Variants in TRPC6 observed in about 807,000 individuals in gnomAD.
TRPC6 encodes transient receptor potential cation channel subfamily C member 6.
TRPC6 carries 55 observed loss-of-function variants against 90.7 expected under a neutral mutation model. That is an observed-to-expected ratio of 0.61 (90% CI 0.49 to 0.76). The LOEUF (loss-of-function observed/expected upper bound fraction) is 0.76, where lower values mean the gene tolerates loss of function less well. Ranked by LOEUF, TRPC6 falls within the 30% of genes least tolerant of loss-of-function variation. The pLI is 0.00. For synonymous variants in TRPC6, 393 were observed against 393.0 expected (o/e 1.00, Z 0.00); for missense variants, 989 against 1,122.7 (o/e 0.88, Z 1.70).
At chr11:101,557,136 A>T (rs959019964) in intron 1 of TRPC6, among the ~76,000 whole-genome samples, 2 of 152,028 alleles carry the variant, frequency 1.3e-5, no homozygotes, top group African/African-American at 4.8e-5. Context: ...TAGGCAGATC[A>T]TTGAGGCCAG....
At chr11:101,491,833 ATTCTTTTTTT>A in intron 2 of TRPC6, 95 bp from the exon 3 acceptor site, 3 of 778,586 alleles carry the variant, frequency 3.9e-6, no homozygotes, top group South Asian at 2.0e-5. Context: ...TAAGAGAAAC[ATTCTTTTTTT>A]TTTTTTTTTT....
intron 2 of TRPC6, among the ~76,000 whole-genome samples, chr11:101,493,242 T>C (rs1343601910): frequency 6.6e-6 from 1 of 152,174 alleles, no homozygotes; most frequent in East Asian, 1.9e-4. Flanking sequence ...ACACTAATGA[T>C]AGCTGATGAA....
chr11:101,536,526 T>A (rs574252694), intron 1 of TRPC6, among the ~76,000 whole-genome samples: 2 of 152,082 alleles, frequency 1.3e-5, no homozygotes, highest in African/African-American at 4.8e-5. Context: ...CAGGAAAATC[T>A]TCCTGGAGAC....
At chr11:101,460,360 C>T (rs1858977822) in intron 10 of TRPC6, among the ~76,000 whole-genome samples, 1 of 152,150 alleles carries the variant, frequency 6.6e-6, no homozygotes, top group Non-Finnish European at 1.5e-5. Context: ...ACTGGTATAA[C>T]TTAAATCATC....
rs757567055 is a variant in TRPC6, at chr11:101,471,212, CT to C, written c.2379del (p.Gly794ValfsTer8). The part of the protein sequence containing the change: ...WISELFQGHK[K>X]GFQEDAEMNK... ...TTCATCTCTGCATCTTCCTGGAAAC[CT>C]TTTTTATGGCCCTGGAACAGCTCAG... On this transcript the variant is annotated frameshift_variant, in exon 9 of 13. Coordinates refer to ENST00000344327, the MANE Select transcript of TRPC6 (RefSeq NM_004621.6). LOFTEE classifies it high-confidence loss of function. 6.2e-7 allele frequency: 1 copy of C among 1,613,816 alleles called. No individual in the cohort carries two copies. The highest frequency in any genetic ancestry group is 8.5e-7 in the Non-Finnish European group (1 of 1,179,794).
intron 1 of TRPC6, among the ~76,000 whole-genome samples, chr11:101,579,410 A>ATATC (rs2136902620): frequency 6.6e-6 from 1 of 152,288 alleles, no homozygotes; most frequent in Non-Finnish European, 1.5e-5. Context: ...TGCATGTCTT[A>ATATC]TATCTACTCA....
chr11:101,488,188 A>T (rs1859721494), intron 4 of TRPC6, among the ~76,000 whole-genome samples: 1 of 152,202 alleles, frequency 6.6e-6, no homozygotes, highest in Non-Finnish European at 1.5e-5. Context: ...AAACGTGAAG[A>T]ATAGGCTTGT....
chr11:101,576,102 T>C (rs574338170), intron 1 of TRPC6, among the ~76,000 whole-genome samples: 1 of 152,210 alleles, frequency 6.6e-6, no homozygotes, highest in Non-Finnish European at 1.5e-5. Flanking sequence ...ACCTACTGGC[T>C]GTGTAACTTA....
chr11:101,511,826 T>C (rs763652254), intron 1 of TRPC6, among the ~76,000 whole-genome samples: 7 of 151,926 alleles, frequency 4.6e-5, no homozygotes, highest in Non-Finnish European at 8.8e-5. Flanking sequence ...ACCCTGTCTC[T>C]ACTAAAAAAT....
At chr11:101,460,981 G>T (rs75495763) in intron 10 of TRPC6, among the ~76,000 whole-genome samples, 2,103 of 152,174 alleles carry the variant, frequency 0.014, 57 homozygotes, top group African/African-American at 0.046. Flanking sequence ...TAGCTGAAAT[G>T]TCACCCCTTT....
chr11:101,461,664 T>C (rs1225419636), intron 10 of TRPC6, among the ~76,000 whole-genome samples: 1 of 152,248 alleles, frequency 6.6e-6, no homozygotes, highest in African/African-American at 2.4e-5. Context: ...CCCCTTTATC[T>C]TTCTGTCTGT....
intron 1 of TRPC6, among the ~76,000 whole-genome samples, chr11:101,508,877 A>T (rs547906853): frequency 6.6e-6 from 1 of 152,128 alleles, no homozygotes; most frequent in Non-Finnish European, 1.5e-5. Flanking sequence ...TCATCCATTA[A>T]AATGGGAGAA....
At position 101,452,448 on chromosome 11, in the gene TRPC6, AG is replaced by A; in HGVS notation, c.*506del. On this transcript the variant is annotated 3_prime_UTR_variant, in exon 13 of 13. Transcript: ENST00000344327. ...CAATCATGTGCATTGAGGGATAAGT[AG>A]GGTAAATGGTGTTTAAACAGCATTC... is the stretch of plus-strand genomic sequence containing the variant. 1 of 159,092 alleles carries A rather than the reference AG, an allele frequency of 6.3e-6. No individual in the cohort carries two copies. Among genetic ancestry groups the A allele is most frequent in the Non-Finnish European group, 1.4e-5 (1 of 71,754 alleles). The allele number at this position is 159,092 out of a possible 1,614,324, so 9.9% of individuals were successfully genotyped here.
At position 101,473,573 on chromosome 11, in the gene TRPC6, TA is replaced by T; in HGVS notation, c.1944del (p.Phe648LeufsTer2). 1 of 1,613,730 alleles carries T rather than the reference TA, an allele frequency of 6.2e-7. No individual in the cohort carries two copies. Among genetic ancestry groups the T allele is most frequent in the South Asian group, 1.1e-5 (1 of 91,070 alleles). On this transcript the variant is annotated frameshift_variant, in exon 7 of 13. Coordinates refer to ENST00000344327, the MANE Select transcript of TRPC6 (RefSeq NM_004621.6). LOFTEE classifies it high-confidence loss of function. ...GAGTAGAGATTGAACATTCCAATCA[TA>T]AAGGCCACAAACACCATAATGAATA... ...MVIFIMVFVA[F>X]MIGMFNLYSY...
At chr11:101,457,414 TAAC>T (rs1202519247) in intron 10 of TRPC6, among the ~76,000 whole-genome samples, 1 of 152,208 alleles carries the variant, frequency 6.6e-6, no homozygotes, top group African/African-American at 2.4e-5. Context: ...GCAATACTAA[TAAC>T]TTGTTTCTAA....
intron 2 of TRPC6, among the ~76,000 whole-genome samples, chr11:101,497,870 A>G (rs1264784490): frequency 6.6e-6 from 1 of 151,996 alleles, no homozygotes; most frequent in African/African-American, 2.4e-5. Flanking sequence ...CCACCCCCTG[A>G]CAGGCCCCGG....
intron 3 of TRPC6, 49 bp downstream of exon 3, chr11:101,491,507 C>T: frequency 6.2e-7 from 1 of 1,601,010 alleles, no homozygotes; most frequent in Non-Finnish European, 8.5e-7. Context: ...CCTTATTTAG[C>T]ACCAACAAGA....
At chr11:101,560,108 G>T (rs1299690088) in intron 1 of TRPC6, among the ~76,000 whole-genome samples, 2 of 152,014 alleles carry the variant, frequency 1.3e-5, no homozygotes, top group Non-Finnish European at 2.9e-5. Flanking sequence ...TTTCATTATG[G>T]TGGCATATGA....
intron 10 of TRPC6, among the ~76,000 whole-genome samples, chr11:101,465,997 C>T (rs1050343860): frequency 2.0e-5 from 3 of 152,120 alleles, no homozygotes; most frequent in South Asian, 2.1e-4. Flanking sequence ...CTTGAGTGGA[C>T]GTGCTATTCC....
Sources: allele counts gnomAD v4.1 joint callset (sites outside exome capture counted in the v4.1 genomes callset), GRCh38; gene constraint gnomAD v4.1.1; transcripts MANE v1.5; gene names NCBI Gene and HGNC (gene_info 2026-07-23, HGNC 2026-07-21).